Variants in THRB observed in about 807,000 individuals in gnomAD.
The protein encoded by THRB is thyroid hormone receptor beta, also known as nuclear receptor subfamily 1 group A member 2.
In THRB, 12 loss-of-function variants were observed where a neutral mutation model predicts 47.8. That is an observed-to-expected ratio of 0.25 (90% CI 0.16 to 0.41). The LOEUF (loss-of-function observed/expected upper bound fraction) is 0.41. Among genes scored for constraint, THRB ranks in the 10% least tolerant of loss-of-function variants. The probability of loss-of-function intolerance (pLI) is 1.00; values close to 1 mark genes in which losing one functional copy is unlikely to be tolerated. For missense variants in THRB, 348 were observed against 589.2 expected, an observed-to-expected ratio of 0.59 and a Z score of 4.24; for synonymous variants, 218 against 212.2, an observed-to-expected ratio of 1.03 and a Z score of -0.24.
chr3:24,295,885 C>T (rs192014172), intron 3 of THRB, among the ~76,000 whole-genome samples: 80 of 152,336 alleles, frequency 5.3e-4, no homozygotes, highest in African/African-American at 1.6e-3. Flanking sequence ...TCTACATCTG[C>T]ACTTTCCAAT....
intron 3 of THRB, among the ~76,000 whole-genome samples, chr3:24,289,335 T>C (rs797014571): frequency 9.8e-5 from 15 of 152,360 alleles, no homozygotes; most frequent in African/African-American, 3.4e-4. Flanking sequence ...AGTTCAAATG[T>C]GCTTGGATGC....
chr3:24,146,148 A>G (rs181713607), intron 7 of THRB, among the ~76,000 whole-genome samples: 64 of 152,334 alleles, frequency 4.2e-4, no homozygotes, highest in African/African-American at 1.5e-3. Flanking sequence ...CTCATGCAAT[A>G]GCACTCAACT....
intron 3 of THRB, among the ~76,000 whole-genome samples, chr3:24,269,442 C>CACACACACATATACAT (rs58200122): frequency 6.3e-4 from 89 of 141,090 alleles, no homozygotes; most frequent in African/African-American, 2.4e-3. Context: ...CACACACACA[C>CACACACACATATACAT]TTAAGTTATC....
At chr3:24,481,243 T>G (rs1420738394) in intron 1 of THRB, among the ~76,000 whole-genome samples, 4 of 143,676 alleles carry the variant, frequency 2.8e-5, no homozygotes, top group African/African-American at 5.1e-5. Flanking sequence ...TTTTTTTTTT[T>G]TTTTTTTTTT....
chr3:24,257,611 T>A (rs1479054451), intron 3 of THRB, among the ~76,000 whole-genome samples: 1 of 152,230 alleles, frequency 6.6e-6, no homozygotes, highest in Non-Finnish European at 1.5e-5. Context: ...CCAAATAGTA[T>A]TTTTTGCAAT....
chr3:24,282,921 T>G (rs1103783), intron 3 of THRB, among the ~76,000 whole-genome samples: 114,692 of 151,230 alleles, frequency 0.76, 44,388 homozygotes, highest in African/African-American at 0.91. Context: ...AATAACAGGA[T>G]CTGAAATTGT....
At chr3:24,261,497 CAAAAAAAAAA>C (rs35109952) in intron 3 of THRB, among the ~76,000 whole-genome samples, 2 of 88,254 alleles carry the variant, frequency 2.3e-5, no homozygotes, top group East Asian at 3.3e-4. Context: ...GATTCTGTCT[CAAAAAAAAAA>C]AAAAAAAAAA....
chr3:24,478,056 A>T (rs368197061), intron 1 of THRB, among the ~76,000 whole-genome samples: 1 of 151,998 alleles, frequency 6.6e-6, no homozygotes, highest in Non-Finnish European at 1.5e-5. Context: ...GTTCCTAAAA[A>T]TATGTCTTAA....
At chr3:24,163,242 A>G (rs956832547) in intron 5 of THRB, among the ~76,000 whole-genome samples, 1 of 152,216 alleles carries the variant, frequency 6.6e-6, no homozygotes, top group Admixed American at 6.5e-5. Context: ...GGTGCATTTA[A>G]GAATATTTGC....
At chr3:24,339,212 A>G (rs13067515) in intron 1 of THRB, among the ~76,000 whole-genome samples, 44,274 of 152,090 alleles carry the variant, frequency 0.29, 8,105 homozygotes, top group African/African-American at 0.5. Flanking sequence ...TTTGAGCAAT[A>G]TATCTGAACT....
chr3:24,239,454 TA>T (rs2049251007), intron 3 of THRB, among the ~76,000 whole-genome samples: 1 of 152,120 alleles, frequency 6.6e-6, no homozygotes, highest in African/African-American at 2.4e-5. Flanking sequence ...TAATCCATCA[TA>T]TTTGGGACAC....
At position 24,122,910 on chromosome 3, in the gene THRB, A is replaced by G. The variant is rs892645443; in HGVS notation, c.1360T>C (p.Leu454=). The G allele has an allele frequency of 6.2e-7, 1 of 1,614,148 alleles. No homozygotes were observed. Among genetic ancestry groups the G allele is most frequent in the African/African-American group, 1.3e-5 (1 of 75,006 alleles). The stretch of plus-strand genomic sequence containing the variant: ...TAATCCTCGAACACTTCCAAGAACA[A>G]AGGGGGGAAGAGTTCTGTGGGGCAT... ...VECPTELFPP[L]FLEVFED The change falls in exon 11 of 11, where the codon TTG becomes CTG. Residue 454 remains leucine, a synonymous_variant. Transcript: ENST00000646209.
At chr3:24,304,427 T>C (rs1260351722) in intron 2 of THRB, among the ~76,000 whole-genome samples, 1 of 152,048 alleles carries the variant, frequency 6.6e-6, no homozygotes, top group Non-Finnish European at 1.5e-5. Flanking sequence ...TCCTTTATAA[T>C]AGCTGTAAGA....
chr3:24,256,288 G>C (rs2051271418), intron 3 of THRB, among the ~76,000 whole-genome samples: 1 of 89,544 alleles, frequency 1.1e-5, no homozygotes, highest in African/African-American at 3.2e-5. Context: ...TTGGTTAGTG[G>C]AAGAGGGCCT....
chr3:24,122,720 G>A lies in THRB; in HGVS notation c.*164C>T, dbSNP rs557504546. 1.3e-4 allele frequency: 115 copies of A among 900,854 alleles called. No homozygotes were observed. The highest frequency in any genetic ancestry group is 7.6e-4 in the African/African-American group (46 of 60,146). The allele number at this position is 900,854 out of a possible 1,614,324, so 55.8% of individuals were successfully genotyped here. Reference sequence around the variant, plus strand: ...CGAAATGCAATAGTTTCAAGTACCCGCATTCAAGGGGCAATTTCATCCATG... The same window carrying A: ...CGAAATGCAATAGTTTCAAGTACCCACATTCAAGGGGCAATTTCATCCATG... On this transcript the variant is annotated 3_prime_UTR_variant, in exon 11 of 11. Coordinates refer to ENST00000646209, the MANE Select transcript of THRB (RefSeq NM_001354712.2).
intron 1 of THRB, among the ~76,000 whole-genome samples, chr3:24,475,845 G>A (rs1406266021): frequency 6.6e-6 from 1 of 152,110 alleles, no homozygotes; most frequent in Non-Finnish European, 1.5e-5. Context: ...AGCTAATAAA[G>A]AAAACATGTT....
intron 3 of THRB, among the ~76,000 whole-genome samples, chr3:24,293,342 T>C (rs1056663781): frequency 6.6e-6 from 1 of 152,138 alleles, no homozygotes; most frequent in African/African-American, 2.4e-5. Flanking sequence ...GAGAAAGAAA[T>C]GAAAATCATA....
intron 1 of THRB, among the ~76,000 whole-genome samples, chr3:24,455,609 C>T (rs1306244076): frequency 1.3e-5 from 2 of 152,172 alleles, no homozygotes; most frequent in East Asian, 1.9e-4. Flanking sequence ...TTCAGATAAG[C>T]ATTTGACCTC....
Position 24,118,420 on chromosome 3 carries a change from C to T in THRB, c.*4464G>A, listed in dbSNP as rs987156010. 6.6e-6 allele frequency: 1 copy of T among 152,560 alleles called. No individual in the cohort carries two copies. 9.5% of individuals were successfully genotyped at this position (152,560 alleles called of 1,614,324 possible). ...GGCTGAAAAAAATATCACCATCTAG[C>T]AATATCACTTAACACTGTTTGCAAA... On this transcript the variant is annotated 3_prime_UTR_variant, in exon 11 of 11. Transcript: ENST00000646209.
Sources: gnomAD v4.1 joint callset for allele counts (sites outside exome capture counted in the v4.1 genomes callset) on GRCh38, gnomAD v4.1.1 for gene constraint, MANE v1.5 for transcripts, NCBI Gene and HGNC (gene_info 2026-07-23, HGNC 2026-07-21) for gene names.